CSMD3: variants seen among roughly 807,000 people sequenced by gnomAD.
The protein encoded by CSMD3 is CUB and Sushi multiple domains 3.
Under a neutral mutation model 435.2 loss-of-function variants are expected in CSMD3, and 177 were observed. That is an observed-to-expected ratio of 0.41 (90% CI 0.36 to 0.46). CSMD3 has a LOEUF of 0.46. Among genes scored for constraint, CSMD3 ranks in the 20% least tolerant of loss-of-function variants. CSMD3 has a pLI of 0.34. For synonymous variants in CSMD3, 1,656 were observed against 1,520.5 expected, an observed-to-expected ratio of 1.09 and a Z score of -2.07; for missense variants, 4,265 against 4,504.6, an observed-to-expected ratio of 0.95 and a Z score of 1.52.
chr8:112,981,084 T>C (rs1037717749), intron 6 of CSMD3, among the ~76,000 whole-genome samples: 3 of 151,502 alleles, frequency 2.0e-5, no homozygotes, highest in African/African-American at 4.8e-5. Context: ...TACATTGATC[T>C]TATAAAATTT....
At chr8:112,873,343 G>C (rs994245761) in intron 10 of CSMD3, among the ~76,000 whole-genome samples, 4 of 151,964 alleles carry the variant, frequency 2.6e-5, no homozygotes, top group Non-Finnish European at 5.9e-5. Flanking sequence ...ACCTGAAAAG[G>C]CAGGAAACCC....
At chr8:112,578,381 A>G (rs542790859) in intron 23 of CSMD3, among the ~76,000 whole-genome samples, 1 of 152,004 alleles carries the variant, frequency 6.6e-6, no homozygotes, top group Non-Finnish European at 1.5e-5. Context: ...AAAGTTCTGC[A>G]GCTTATTACA....
intron 10 of CSMD3, among the ~76,000 whole-genome samples, chr8:112,912,083 T>A (rs1005953371): frequency 1.4e-5 from 2 of 147,228 alleles, no homozygotes; most frequent in South Asian, 2.1e-4. Context: ...TCAAGGAGTT[T>A]TATATATATA....
intron 11 of CSMD3, among the ~76,000 whole-genome samples, chr8:112,857,013 A>T (rs1255697408): frequency 6.6e-6 from 1 of 151,832 alleles, no homozygotes; most frequent in African/African-American, 2.4e-5. Flanking sequence ...AATAATAAAC[A>T]GATTACATTC....
intron 5 of CSMD3, among the ~76,000 whole-genome samples, chr8:113,038,243 T>C (rs2087444903): frequency 6.6e-6 from 1 of 152,152 alleles, no homozygotes; most frequent in African/African-American, 2.4e-5. Context: ...ATAAAACATA[T>C]ATGTAATAGA....
chr8:113,224,134 A>G (rs1389761646), intron 3 of CSMD3, among the ~76,000 whole-genome samples: 1 of 151,230 alleles, frequency 6.6e-6, no homozygotes, highest in Non-Finnish European at 1.5e-5. Context: ...TCTAGGTGCT[A>G]TTCGTTTTTG....
chr8:113,321,095 C>G (rs2093946492), intron 1 of CSMD3, among the ~76,000 whole-genome samples: 1 of 152,056 alleles, frequency 6.6e-6, no homozygotes, highest in Admixed American at 6.5e-5. Context: ...TAAGAGCAAC[C>G]AGTCTATCCT....
chr8:113,287,297 G>A (rs972593898), intron 2 of CSMD3, among the ~76,000 whole-genome samples: 2 of 151,968 alleles, frequency 1.3e-5, no homozygotes, highest in Non-Finnish European at 2.9e-5. Flanking sequence ...AGGATATACA[G>A]AGAATTCTCT....
At position 113,085,775 on chromosome 8, in the gene CSMD3, G is replaced by A. The variant is rs73338209; in HGVS notation, c.917+12981C>T. ...TTTTATGGTTATCAGAGGCTGAGAA[G>A]TGTAAGAGGAGAGTGCTAGAGAGAG... is the stretch of plus-strand genomic sequence containing the variant. On this transcript the variant is annotated intron_variant, in intron 5 of 70. Transcript: ENST00000297405. Among the ~76,000 whole-genome samples the A allele has an allele frequency of 8.3e-3, 1,259 of 152,326 alleles. 30 individuals are homozygous for A. Among genetic ancestry groups the A allele is most frequent in the African/African-American group, 0.029 (1,191 of 41,578 alleles).
At chr8:113,424,955 C>A (rs976796829) in intron 1 of CSMD3, among the ~76,000 whole-genome samples, 3 of 151,444 alleles carry the variant, frequency 2.0e-5, no homozygotes, top group Admixed American at 6.6e-5. Context: ...TTACAATAAT[C>A]AGATTATTTT....
At chr8:113,163,714 T>G (rs2092092665) in intron 4 of CSMD3, among the ~76,000 whole-genome samples, 1 of 151,972 alleles carries the variant, frequency 6.6e-6, no homozygotes, top group Non-Finnish European at 1.5e-5. Context: ...TATATAAAAA[T>G]TGGGTCAGAA....
intron 13 of CSMD3, among the ~76,000 whole-genome samples, chr8:112,789,402 T>C (rs748640311): frequency 1.3e-5 from 2 of 152,052 alleles, no homozygotes; most frequent in Non-Finnish European, 1.5e-5. Flanking sequence ...TTTTAGGATA[T>C]GGAAACTGTC....
At chr8:113,209,262 G>A (rs959031450) in intron 3 of CSMD3, among the ~76,000 whole-genome samples, 1 of 152,112 alleles carries the variant, frequency 6.6e-6, no homozygotes, top group African/African-American at 2.4e-5. Context: ...AGTGGGAACA[G>A]ATAACTTTGG....
chr8:112,319,542 A>T (rs1186921338), intron 46 of CSMD3, among the ~76,000 whole-genome samples: 1 of 152,162 alleles, frequency 6.6e-6, no homozygotes, highest in African/African-American at 2.4e-5. Context: ...TGGCCTACAA[A>T]CCATTCATTC....
chr8:113,193,336 T>C (rs1374577150), intron 3 of CSMD3, among the ~76,000 whole-genome samples: 1 of 151,330 alleles, frequency 6.6e-6, no homozygotes, highest in Non-Finnish European at 1.5e-5. Context: ...TGCTTCTTAA[T>C]TGAATTTTCA....
intron 13 of CSMD3, among the ~76,000 whole-genome samples, chr8:112,768,275 T>C (rs1176937942): frequency 6.6e-6 from 1 of 151,784 alleles, no homozygotes; most frequent in Non-Finnish European, 1.5e-5. Context: ...AGGCAACGAA[T>C]GGCACAGAAA....
chr8:113,146,426 A>G (rs1288527732), intron 4 of CSMD3, among the ~76,000 whole-genome samples: 1 of 151,610 alleles, frequency 6.6e-6, no homozygotes, highest in Non-Finnish European at 1.5e-5. Context: ...AGATGAACAC[A>G]TCATTTGATT....
At chr8:112,261,222 G>T (rs1218794984) in intron 61 of CSMD3, among the ~76,000 whole-genome samples, 1 of 151,932 alleles carries the variant, frequency 6.6e-6, no homozygotes, top group Admixed American at 6.6e-5. Context: ...TTTGTCTTCA[G>T]TTAGTCATCA....
At chr8:112,617,850 G>A (rs1452701978) in intron 22 of CSMD3, among the ~76,000 whole-genome samples, 2 of 152,050 alleles carry the variant, frequency 1.3e-5, no homozygotes, top group African/African-American at 4.8e-5. Flanking sequence ...TTTTTAACAA[G>A]CCATTTCCAA....
Sources: allele counts gnomAD v4.1 joint callset (sites outside exome capture counted in the v4.1 genomes callset), GRCh38; gene constraint gnomAD v4.1.1; transcripts MANE v1.5; gene names NCBI Gene and HGNC (gene_info 2026-07-23, HGNC 2026-07-21).